TMEM9: variants seen among roughly 807,000 people sequenced by gnomAD.
TMEM9 encodes the protein proton-transporting V-type ATPase complex assembly regulator TMEM9.
Under a neutral mutation model 22.8 loss-of-function variants are expected in TMEM9, and 13 were observed. The observed-to-expected ratio is 0.57, with a 90% CI of 0.37 to 0.91. The LOEUF (loss-of-function observed/expected upper bound fraction) is 0.91. Among genes scored for constraint, TMEM9 ranks in the 40% least tolerant of loss-of-function variants. The pLI is 0.01. For missense variants in TMEM9, 182 were observed against 238.1 expected (o/e 0.76, Z 1.55); for synonymous variants, 88 against 93.0 (o/e 0.95, Z 0.31).
chr1:201,139,111 TCAGTCTGCC>T (rs1046982766), intron 4 of TMEM9, among the ~76,000 whole-genome samples: 2 of 152,174 alleles, frequency 1.3e-5, no homozygotes, highest in African/African-American at 4.8e-5. Flanking sequence ...GAAACCCTCT[TCAGTCTGCC>T]CAGAAGCACT....
intron 1 of TMEM9, among the ~76,000 whole-genome samples, chr1:201,166,061 A>C (rs547028217): frequency 2.0e-5 from 3 of 152,300 alleles, no homozygotes; most frequent in African/African-American, 7.2e-5. Flanking sequence ...TGACATTATC[A>C]GTATTGCATG....
intron 4 of TMEM9, among the ~76,000 whole-genome samples, chr1:201,136,933 G>A (rs542769927): frequency 5.9e-5 from 9 of 152,218 alleles, no homozygotes; most frequent in Non-Finnish European, 8.8e-5. Context: ...CAGCTGCTAC[G>A]CTGGGGCGAA....
chr1:201,140,897 T>A (rs1664463526), intron 4 of TMEM9, among the ~76,000 whole-genome samples: 1 of 152,146 alleles, frequency 6.6e-6, no homozygotes, highest in Non-Finnish European at 1.5e-5. Context: ...CCCAGCCCCA[T>A]GTTTCCCCAC....
intron 1 of TMEM9, among the ~76,000 whole-genome samples, chr1:201,169,696 A>T (rs1386906547): frequency 2.0e-5 from 3 of 149,990 alleles, no homozygotes; most frequent in Admixed American, 1.3e-4. Flanking sequence ...GTGTTCACAC[A>T]TTTTTTTTTT....
At chr1:201,139,208 C>T (rs944839960) in intron 4 of TMEM9, among the ~76,000 whole-genome samples, 6 of 152,068 alleles carry the variant, frequency 3.9e-5, no homozygotes, top group African/African-American at 9.7e-5. Context: ...CCTCAGGCGG[C>T]TCTCCTCTCT....
At chr1:201,146,893 C>A in intron 2 of TMEM9, 45 bp from the exon 3 acceptor site, 1 of 1,572,532 alleles carries the variant, frequency 6.4e-7, no homozygotes, top group South Asian at 1.1e-5. Flanking sequence ...GCCACCACGT[C>A]TTAGAGCCTC....
At chr1:201,138,622 G>A (rs981134286) in intron 4 of TMEM9, among the ~76,000 whole-genome samples, 2 of 152,198 alleles carry the variant, frequency 1.3e-5, no homozygotes, top group South Asian at 2.1e-4. Flanking sequence ...ATTCCCAGGA[G>A]GTCCCCAGGG....
In TMEM9 at chr1:201,146,758, G is replaced by A; in HGVS notation, c.249C>T (p.Arg83=). 3 of 1,614,240 alleles carry A rather than the reference G, an allele frequency of 1.9e-6. No homozygotes were observed. The highest frequency in any genetic ancestry group is 2.5e-6 in the Non-Finnish European group (3 of 1,180,036). ...GCGTTACCTTGATGGTGGTGGTGCTGCGCTCCTCGTACCTGCACTCGCACA... is the reference window on the plus strand; with the variant it reads ...GCGTTACCTTGATGGTGGTGGTGCTACGCTCCTCGTACCTGCACTCGCACA... ...CLLCECRYEE[R]STTTIKVIIV... The change falls in exon 3 of 5, where the codon CGC becomes CGT. Residue 83 remains arginine (R), a synonymous_variant. Coordinates refer to ENST00000367330, the MANE Select transcript of TMEM9 (RefSeq NM_001288565.2).
At chr1:201,158,860 C>T (rs191924836), upstream of TMEM9, among the ~76,000 whole-genome samples, 2 of 152,136 alleles carry the variant, frequency 1.3e-5, no homozygotes, top group Non-Finnish European at 1.5e-5. Context: ...GAGGCGAGGT[C>T]TTGGCATCCG....
At chr1:201,144,066 A>G in intron 3 of TMEM9, 115 bp from the exon 4 acceptor site, 1 of 1,232,348 alleles carries the variant, frequency 8.1e-7, no homozygotes, top group African/African-American at 1.5e-5. Context: ...GTGGTGCACT[A>G]AGAAAGGACT....
intron 3 of TMEM9, chr1:201,144,271 T>A: frequency 3.9e-6 from 1 of 256,596 alleles, no homozygotes; most frequent in Admixed American, 4.7e-5. Flanking sequence ...CACAAGGGCC[T>A]CCCTGGCTGT....
chr1:201,164,188 A>C (rs1320170321), intron 1 of TMEM9, among the ~76,000 whole-genome samples: 4 of 152,198 alleles, frequency 2.6e-5, no homozygotes, highest in Admixed American at 6.5e-5. Context: ...GAAATGGCAA[A>C]ATTGTAGAAA....
At chr1:201,136,800 C>T (rs1664031112) in intron 4 of TMEM9, among the ~76,000 whole-genome samples, 1 of 152,186 alleles carries the variant, frequency 6.6e-6, no homozygotes, top group Non-Finnish European at 1.5e-5. Context: ...CCTAGCTTTC[C>T]CTGCCTCTCA....
chr1:201,161,407 G>A (rs1665944834), intron 1 of TMEM9, among the ~76,000 whole-genome samples: 1 of 152,262 alleles, frequency 6.6e-6, no homozygotes, highest in East Asian at 1.9e-4. Context: ...GGTTTAGAAG[G>A]CCCTAAGTTT....
intron 1 of TMEM9, among the ~76,000 whole-genome samples, chr1:201,167,635 C>G (rs1416119401): frequency 1.3e-5 from 2 of 152,182 alleles, no homozygotes; most frequent in East Asian, 3.8e-4. Context: ...GCCTGGTGGT[C>G]TCTCATTAGC....
chr1:201,151,742 C>A lies in TMEM9; in HGVS notation c.158+19G>T. 6.3e-7 allele frequency: 1 copy of A among 1,589,460 alleles called. No individual in the cohort carries two copies. The highest frequency in any genetic ancestry group is 8.6e-7 in the Non-Finnish European group (1 of 1,157,566). ...TTCAACTGGGTATAGCAGCCAGGGG[C>A]CTGCGTGTAATGCCTTACCAGTCCT... On this transcript the variant is annotated intron_variant, in intron 2 of 4. Coordinates refer to ENST00000367330, the MANE Select transcript of TMEM9 (RefSeq NM_001288565.2).
At chr1:201,146,467 A>G (rs1664979620) in intron 3 of TMEM9, 1 of 540,260 alleles carries the variant, frequency 1.9e-6, no homozygotes, top group African/African-American at 1.9e-5. Flanking sequence ...AATAAACTGT[A>G]AAGAATGCAG....
At chr1:201,143,136 C>A (rs1336719408) in intron 4 of TMEM9, among the ~76,000 whole-genome samples, 3 of 152,234 alleles carry the variant, frequency 2.0e-5, no homozygotes, top group Non-Finnish European at 4.4e-5. Context: ...GGAGGCCTTG[C>A]AGGCTGTCTG....
intron 3 of TMEM9, 133 bp downstream of exon 3, chr1:201,146,607 G>C (rs1664994615): frequency 1.0e-6 from 1 of 957,976 alleles, no homozygotes; most frequent in African/African-American, 1.6e-5. Context: ...GTCTGCACTA[G>C]GCCAGCCTAG....
Sources: allele counts gnomAD v4.1 joint callset (sites outside exome capture counted in the v4.1 genomes callset), GRCh38; gene constraint gnomAD v4.1.1; transcripts MANE v1.5; gene names NCBI Gene and HGNC (gene_info 2026-07-23, HGNC 2026-07-21).